The following CADM2 variants were observed in gnomAD, a reference collection of about 807,000 sequenced individuals.
The protein encoded by CADM2 is immunoglobulin superfamily member 4D.
CADM2 carries 12 observed loss-of-function variants against 49.8 expected under a neutral mutation model. The ratio of observed to expected loss-of-function variants is 0.24; its 90% CI spans 0.15 to 0.39. CADM2 has a LOEUF of 0.39. Among genes scored for constraint, CADM2 ranks in the 10% least tolerant of loss-of-function variants. CADM2 has a pLI of 1.00. For synonymous variants in CADM2, 214 were observed against 175.4 expected (o/e 1.22, Z -1.74); for missense variants, 378 against 492.3 (o/e 0.77, Z 2.20).
chr3:85,199,162 A>G (rs906325265), intron 1 of CADM2, among the ~76,000 whole-genome samples: 1 of 152,004 alleles, frequency 6.6e-6, no homozygotes, highest in Non-Finnish European at 1.5e-5. Flanking sequence ...TGACATTTTT[A>G]ATATGCACTG....
At chr3:85,508,940 C>G (rs2106825544) in intron 1 of CADM2, among the ~76,000 whole-genome samples, 1 of 152,024 alleles carries the variant, frequency 6.6e-6, no homozygotes, top group East Asian at 1.9e-4. Context: ...CAAAATATTT[C>G]TATTTAAATT....
intron 1 of CADM2, among the ~76,000 whole-genome samples, chr3:85,658,304 C>G (rs1165769443): frequency 6.6e-6 from 1 of 151,788 alleles, no homozygotes; most frequent in African/African-American, 2.4e-5. Flanking sequence ...TGCAAGGAAA[C>G]CACCAGAGGC....
intron 7 of CADM2, among the ~76,000 whole-genome samples, chr3:85,957,489 C>A (rs1470369161): frequency 6.6e-6 from 1 of 151,726 alleles, no homozygotes; most frequent in Admixed American, 6.6e-5. Flanking sequence ...TTTCTACTTA[C>A]ACATTTACTA....
chr3:86,009,291 A>G (rs983410931), intron 8 of CADM2, among the ~76,000 whole-genome samples: 1 of 150,266 alleles, frequency 6.7e-6, no homozygotes, highest in African/African-American at 2.4e-5. Flanking sequence ...ATACGTACCT[A>G]CAATGATGAC....
chr3:85,492,836 G>A (rs961970146), intron 1 of CADM2, among the ~76,000 whole-genome samples: 3 of 152,044 alleles, frequency 2.0e-5, no homozygotes, highest in South Asian at 4.2e-4. Context: ...AACAATAAAG[G>A]TGTCATCTGA....
intron 1 of CADM2, among the ~76,000 whole-genome samples, chr3:85,081,541 C>G (rs1420772565): frequency 6.6e-6 from 1 of 152,182 alleles, no homozygotes; most frequent in Non-Finnish European, 1.5e-5. Context: ...TTGTGGATAA[C>G]AATTTCCTTT....
intron 1 of CADM2, among the ~76,000 whole-genome samples, chr3:85,220,824 G>A (rs1051783997): frequency 6.6e-6 from 1 of 151,840 alleles, no homozygotes; most frequent in Non-Finnish European, 1.5e-5. Context: ...AAAAATGGTT[G>A]TTTTAAAATA....
At chr3:85,155,655 C>G (rs1172346330) in intron 1 of CADM2, among the ~76,000 whole-genome samples, 6 of 151,984 alleles carry the variant, frequency 3.9e-5, no homozygotes, top group Middle Eastern at 3.4e-3. Flanking sequence ...CAGCACCACA[C>G]CACACCTATT....
intron 1 of CADM2, among the ~76,000 whole-genome samples, chr3:85,066,542 C>A (rs1383524449): frequency 6.6e-6 from 1 of 151,182 alleles, no homozygotes; most frequent in East Asian, 1.9e-4. Flanking sequence ...CACCTGCACG[C>A]ACACACACAC....
chr3:85,217,457 T>C (rs373546034), intron 1 of CADM2, among the ~76,000 whole-genome samples: 1 of 152,084 alleles, frequency 6.6e-6, no homozygotes, highest in South Asian at 2.1e-4. Context: ...TTGCATCTAA[T>C]TAGACCTACA....
intron 1 of CADM2, among the ~76,000 whole-genome samples, chr3:85,156,103 A>C (rs2040109866): frequency 6.6e-6 from 1 of 152,196 alleles, no homozygotes; most frequent in South Asian, 2.1e-4. Context: ...AGCTAGCAGA[A>C]GGCAAGAAAT....
At chr3:85,818,557 A>T (rs1002866108) in intron 3 of CADM2, among the ~76,000 whole-genome samples, 2 of 152,208 alleles carry the variant, frequency 1.3e-5, no homozygotes, top group Non-Finnish European at 2.9e-5. Flanking sequence ...CAGTAGTTCA[A>T]ATAGTGTTTT....
At chr3:85,772,446 T>G (rs1045635804) in intron 2 of CADM2, among the ~76,000 whole-genome samples, 12 of 152,118 alleles carry the variant, frequency 7.9e-5, no homozygotes, top group Admixed American at 7.9e-4. Flanking sequence ...TTATGGAATA[T>G]CTAAGTTCTT....
chr3:85,787,503 C>A (rs551041259), intron 2 of CADM2, among the ~76,000 whole-genome samples: 5 of 152,076 alleles, frequency 3.3e-5, no homozygotes, highest in Non-Finnish European at 5.9e-5. Flanking sequence ...GTTCCAGAAC[C>A]CTGACTATAC....
chr3:85,545,076 A>G (rs1262838316), intron 1 of CADM2, among the ~76,000 whole-genome samples: 1 of 152,116 alleles, frequency 6.6e-6, no homozygotes, highest in African/African-American at 2.4e-5. Flanking sequence ...GTAAGGCACA[A>G]TGTGTCTTTA....
chr3:85,962,083 G>A (rs1185700857), intron 8 of CADM2, among the ~76,000 whole-genome samples: 2 of 151,678 alleles, frequency 1.3e-5, no homozygotes, highest in African/African-American at 4.8e-5. Flanking sequence ...TTACAGGCAT[G>A]CACCACTATA....
intron 3 of CADM2, among the ~76,000 whole-genome samples, chr3:85,809,742 T>TC: frequency 1.0e-5 from 1 of 97,394 alleles, no homozygotes; most frequent in Non-Finnish European, 1.9e-5. Flanking sequence ...CCTCCCTCCC[T>TC]CCTCTCTCCC....
At chr3:85,960,657 T>G (rs1293647034) in intron 7 of CADM2, among the ~76,000 whole-genome samples, 3 of 151,946 alleles carry the variant, frequency 2.0e-5, no homozygotes, top group Admixed American at 2.0e-4. Flanking sequence ...ATTTCTATCA[T>G]TAATTATTAC....
intron 3 of CADM2, among the ~76,000 whole-genome samples, chr3:85,822,643 C>T (rs2073658560): frequency 6.6e-6 from 1 of 152,014 alleles, no homozygotes. Context: ...AATTTTACCA[C>T]ATTTTCAAAA....
Sources: gnomAD v4.1 joint callset for allele counts (sites outside exome capture counted in the v4.1 genomes callset) on GRCh38, gnomAD v4.1.1 for gene constraint, MANE v1.5 for transcripts, NCBI Gene and HGNC (gene_info 2026-07-23, HGNC 2026-07-21) for gene names.